Variants in RFX4 observed in about 807,000 individuals in gnomAD.
The protein encoded by RFX4 is regulatory factor X4.
In RFX4, 10 loss-of-function variants were observed where a neutral mutation model predicts 95.0. The observed-to-expected ratio is 0.11, with a 90% CI of 0.06 to 0.18. RFX4 has a LOEUF of 0.18. Ranked by LOEUF, RFX4 falls within the 10% of genes least tolerant of loss-of-function variation. The pLI is 1.00. For synonymous variants in RFX4, 321 were observed against 340.7 expected (o/e 0.94, Z 0.64); for missense variants, 640 against 922.0 (o/e 0.69, Z 3.96).
chr12:106,714,094 A>G (rs2042243753), intron 10 of RFX4, among the ~76,000 whole-genome samples: 2 of 148,302 alleles, frequency 1.3e-5, no homozygotes, highest in East Asian at 2.0e-4. Flanking sequence ...AAAAAAAAGC[A>G]TGTTCTAAAC....
chr12:106,718,220 C>T (rs1358632028), intron 11 of RFX4, among the ~76,000 whole-genome samples: 1 of 152,184 alleles, frequency 6.6e-6, no homozygotes, highest in Non-Finnish European at 1.5e-5. Context: ...GGGCTGGATG[C>T]CCAAAAGACC....
At chr12:106,651,926 G>C (rs1377244633) in intron 3 of RFX4, among the ~76,000 whole-genome samples, 1 of 152,202 alleles carries the variant, frequency 6.6e-6, no homozygotes, top group African/African-American at 2.4e-5. Flanking sequence ...GTTTGAGAAA[G>C]CTGTCTTATT....
intron 3 of RFX4, among the ~76,000 whole-genome samples, chr12:106,641,374 T>C (rs1253907150): frequency 1.3e-5 from 2 of 149,300 alleles, no homozygotes; most frequent in Non-Finnish European, 3.0e-5. Flanking sequence ...GCTCATAGGG[T>C]AGTCATGAAG....
intron 2 of RFX4, among the ~76,000 whole-genome samples, chr12:106,618,522 G>C (rs2040119138): frequency 6.6e-6 from 1 of 151,798 alleles, no homozygotes; most frequent in South Asian, 2.1e-4. Context: ...TCTCTAGTAA[G>C]AATTTTTGCT....
At chr12:106,680,046 G>A (rs2041475333) in intron 4 of RFX4, among the ~76,000 whole-genome samples, 1 of 152,158 alleles carries the variant, frequency 6.6e-6, no homozygotes, top group Admixed American at 6.5e-5. Context: ...CTACAAAGTG[G>A]TACCCTTAAA....
chr12:106,646,073 A>G, intron 3 of RFX4: 1 of 628,400 alleles, frequency 1.6e-6, no homozygotes, highest in South Asian at 1.6e-5. Context: ...AAGCCATTTG[A>G]CGGGCAATTT....
chr12:106,743,564 C>T (rs1222924853), intron 15 of RFX4, among the ~76,000 whole-genome samples: 3 of 152,144 alleles, frequency 2.0e-5, no homozygotes, highest in South Asian at 2.1e-4. Context: ...TGTTTGATAA[C>T]GTCTATTTCT....
chr12:106,644,351 A>G (rs2040699058), intron 3 of RFX4, among the ~76,000 whole-genome samples: 1 of 148,688 alleles, frequency 6.7e-6, no homozygotes, highest in Non-Finnish European at 1.5e-5. Flanking sequence ...CTCCTGCCTC[A>G]GCCTTCTAAG....
chr12:106,611,857 AC>A (rs2039968378), intron 2 of RFX4, among the ~76,000 whole-genome samples: 1 of 152,156 alleles, frequency 6.6e-6, no homozygotes, highest in African/African-American at 2.4e-5. Flanking sequence ...GTTCCCCAGC[AC>A]CATTTGTTGA....
chr12:106,641,145 A>G (rs987869920), intron 3 of RFX4, among the ~76,000 whole-genome samples: 3 of 152,162 alleles, frequency 2.0e-5, no homozygotes, highest in Non-Finnish European at 4.4e-5. Flanking sequence ...ATTTGAAAGG[A>G]ACTAGAAGAA....
intron 2 of RFX4, among the ~76,000 whole-genome samples, chr12:106,617,907 A>G (rs1405789755): frequency 2.6e-5 from 4 of 152,018 alleles, no homozygotes; most frequent in Non-Finnish European, 4.4e-5. Context: ...TTGTATTTTT[A>G]GTAGAGATGA....
chr12:106,664,112 A>G (rs2041128010), intron 4 of RFX4, among the ~76,000 whole-genome samples: 1 of 151,894 alleles, frequency 6.6e-6, no homozygotes, highest in South Asian at 2.1e-4. Flanking sequence ...CTGTCCTCTG[A>G]AAGAGATTGT....
chr12:106,583,069 T>G lies in RFX4; in HGVS notation c.-252T>G. 2.8e-5 allele frequency: 12 copies of G among 425,022 alleles called. No homozygotes were observed. Among genetic ancestry groups the G allele is most frequent in the East Asian group, 1.2e-4 (3 of 25,954 alleles). The allele number at this position is 425,022 out of a possible 1,614,324, so 26.3% of individuals were successfully genotyped here. Reference sequence around the variant, plus strand: ...CTGAGTGTCCCCTTGCTCGCTCGCTTTTTCTCTCTCCCCCTTCTCCGAGCT... The same window carrying G: ...CTGAGTGTCCCCTTGCTCGCTCGCTGTTTCTCTCTCCCCCTTCTCCGAGCT... On this transcript the variant is annotated 5_prime_UTR_variant, in exon 1 of 18. Coordinates refer to ENST00000392842, the MANE Select transcript of RFX4 (RefSeq NM_213594.3).
chr12:106,761,182 T>A lies in RFX4; in HGVS notation c.1936-15T>A. On this transcript the variant is annotated splice_polypyrimidine_tract_variant and intron_variant, in intron 17 of 17. Coordinates refer to ENST00000392842, the MANE Select transcript of RFX4 (RefSeq NM_213594.3). ...GCTAATTTTAACTTTGTGGAATTTC[T>A]TTCCCCTCAACAAGTACCCTTTTAA... 1 of 1,602,788 alleles carries A rather than the reference T, an allele frequency of 6.2e-7. No homozygotes were observed. The highest frequency in any genetic ancestry group is 2.2e-5 in the East Asian group (1 of 44,556).
In RFX4 at chr12:106,719,085, G is replaced by A. The variant is rs548532743; in HGVS notation, c.1139-875G>A. On this transcript the variant is annotated intron_variant, in intron 11 of 17. Coordinates refer to ENST00000392842, the MANE Select transcript of RFX4 (RefSeq NM_213594.3). ...TGCAGTGAGCCGAGATTGCGCCACT[G>A]CACTCCAGCCTGGGCAACAAGGCGA... 9.9e-5 allele frequency among the ~76,000 whole-genome samples: 15 copies of A among 152,134 alleles called. No individual in the cohort carries two copies. The South Asian group carries it at 2.9e-3, about 29-fold the overall frequency.
At chr12:106,708,933 G>A (rs1373479907) in intron 8 of RFX4, among the ~76,000 whole-genome samples, 1 of 152,178 alleles carries the variant, frequency 6.6e-6, no homozygotes, top group Non-Finnish European at 1.5e-5. Flanking sequence ...GGGTGGGCAG[G>A]CATGGCAGTT....
At chr12:106,671,117 C>A (rs1263471313) in intron 4 of RFX4, among the ~76,000 whole-genome samples, 1 of 152,224 alleles carries the variant, frequency 6.6e-6, no homozygotes, top group African/African-American at 2.4e-5. Context: ...CCACAACTCT[C>A]ATTTTTAAAC....
intron 5 of RFX4, chr12:106,685,045 G>C: frequency 1.3e-6 from 2 of 1,483,444 alleles, no homozygotes; most frequent in Non-Finnish European, 1.8e-6. Flanking sequence ...TATCTCCATG[G>C]GTAGAGAAAA....
intron 3 of RFX4, among the ~76,000 whole-genome samples, chr12:106,653,274 C>G (rs2040889861): frequency 6.6e-6 from 1 of 151,992 alleles, no homozygotes; most frequent in South Asian, 2.1e-4. Flanking sequence ...TGTTTATATC[C>G]CCAATATTTA....
Sources: allele counts gnomAD v4.1 joint callset (sites outside exome capture counted in the v4.1 genomes callset), GRCh38; gene constraint gnomAD v4.1.1; transcripts MANE v1.5; gene names NCBI Gene and HGNC (gene_info 2026-07-23, HGNC 2026-07-21).